The following NFATC1 variants were observed in gnomAD, a reference collection of about 807,000 sequenced individuals.
NFATC1 encodes the protein nuclear factor of activated T-cells, cytoplasmic 1.
A neutral mutation model predicts 76.0 loss-of-function variants in NFATC1; 22 were observed. The ratio of observed to expected loss-of-function variants is 0.29; its 90% confidence interval spans 0.21 to 0.41. The LOEUF (loss-of-function observed/expected upper bound fraction) is 0.41, where lower values mean the gene tolerates loss of function less well. Among genes scored for constraint, NFATC1 ranks in the 10% least tolerant of loss-of-function variants. The pLI is 1.00. For missense variants in NFATC1, 1,357 were observed against 1,337.7 expected (o/e 1.01, Z -0.23); for synonymous variants, 704 against 613.1 (o/e 1.15, Z -2.19).
chr18:79,406,497 A>G (rs1568917767), intron 1 of NFATC1, among the ~76,000 whole-genome samples: 3 of 152,132 alleles, frequency 2.0e-5, no homozygotes, highest in Admixed American at 2.0e-4. Flanking sequence ...GGTCTCCTGG[A>G]GTTGATGACT....
At chr18:79,458,290 C>T (rs1340553108) in intron 6 of NFATC1, among the ~76,000 whole-genome samples, 7 of 151,226 alleles carry the variant, frequency 4.6e-5, no homozygotes, top group South Asian at 4.2e-4. Flanking sequence ...GTGGGGTGCA[C>T]GGCACGAGGA....
At chr18:79,407,248 G>A (rs751523834) in intron 1 of NFATC1, among the ~76,000 whole-genome samples, 15 of 152,194 alleles carry the variant, frequency 9.9e-5, no homozygotes, top group African/African-American at 2.2e-4. Flanking sequence ...GCCTGGGGGC[G>A]GGGGGCACAG....
intron 8 of NFATC1, among the ~76,000 whole-genome samples, chr18:79,481,075 T>G (rs1228044664): frequency 6.6e-6 from 1 of 152,250 alleles, no homozygotes; most frequent in African/African-American, 2.4e-5. Context: ...TGGGCCTGTT[T>G]CCAGTGACCC....
intron 7 of NFATC1, among the ~76,000 whole-genome samples, chr18:79,466,692 GGGGTCTGCGGGGGTCA>G (rs1407287488): frequency 6.6e-6 from 1 of 152,194 alleles, no homozygotes; most frequent in African/African-American, 2.4e-5. Flanking sequence ...TTCCCACCCC[GGGGTCTGCGGGGGTCA>G]GGGCCTGCCT....
chr18:79,415,013 A>G (rs1469797941), intron 2 of NFATC1, among the ~76,000 whole-genome samples: 2 of 152,140 alleles, frequency 1.3e-5, no homozygotes, highest in African/African-American at 4.8e-5. Context: ...TCATTCCTTC[A>G]TCGTTCGGCC....
intron 3 of NFATC1, among the ~76,000 whole-genome samples, chr18:79,438,275 G>A (rs536622852): frequency 1.6e-4 from 24 of 152,318 alleles, no homozygotes; most frequent in African/African-American, 4.6e-4. Flanking sequence ...GAGTCAACCC[G>A]TCCTTGGCCT....
intron 9 of NFATC1, chr18:79,497,205 C>A (rs190753423): frequency 5.3e-5 from 8 of 152,378 alleles, no homozygotes; most frequent in Admixed American, 5.2e-4. Context: ...TGGAGAGCAT[C>A]TTGAATCAGC....
At chr18:79,451,226 A>G in intron 5 of NFATC1, 100 bp downstream of exon 5, 1 of 1,401,288 alleles carries the variant, frequency 7.1e-7, no homozygotes. Flanking sequence ...TAGACTTGGG[A>G]CTGAACGGTT....
intron 1 of NFATC1, among the ~76,000 whole-genome samples, chr18:79,398,896 G>A (rs2085090438): frequency 6.6e-6 from 1 of 152,218 alleles, no homozygotes. Context: ...GTGAAACCCC[G>A]TCTCTACTAA....
Position 79,448,899 on chromosome 18 carries a change from G to A in NFATC1, c.1504G>A (p.Val502Met), listed in dbSNP as rs766045377. ...GGTGCACCGCATCACAGGGAAGACCGTGTCCACCACCAGCCACGAGGCCAT... is the reference window on the plus strand; with the variant it reads ...GGTGCACCGCATCACAGGGAAGACCATGTCCACCACCAGCCACGAGGCCAT... The part of the protein sequence containing the change: ...YQVHRITGKT[V>M]STTSHEAILS... Residue 502 changes from valine to methionine, a missense_variant, in exon 4 of 10, where the codon GTG (valine) becomes ATG (methionine). Val to Met is a conservative substitution (Grantham distance 21). Transcript: ENST00000427363. 24 of 1,613,564 alleles carry A rather than the reference G, an allele frequency of 1.5e-5. No homozygotes were observed. The highest frequency in any genetic ancestry group is 3.3e-5 in the Admixed American group (2 of 60,010).
At position 79,527,951 on chromosome 18, in the gene NFATC1, C is replaced by A; in HGVS notation, c.*374C>A. 1 of 424,250 alleles carries A rather than the reference C, an allele frequency of 2.4e-6. No homozygotes were observed. The highest frequency in any genetic ancestry group is 9.7e-5 in the South Asian group (1 of 10,308). 26.3% of individuals were successfully genotyped at this position (424,250 alleles called of 1,614,324 possible). A position where few individuals can be genotyped will look rare whatever the true frequency, so the allele number is the denominator to read the frequency against. On this transcript the variant is annotated 3_prime_UTR_variant, in exon 10 of 10. Transcript: ENST00000427363. ...GAAGTGCCTTATTTAACCAGACCAT[C>A]AGGGCATCATAGAATTGAGCATTGA...
chr18:79,512,499 G>T (rs2090279722), intron 9 of NFATC1, among the ~76,000 whole-genome samples: 1 of 152,238 alleles, frequency 6.6e-6, no homozygotes, highest in Non-Finnish European at 1.5e-5. Context: ...CGGAGCCGGA[G>T]CAGCATCTGT....
In NFATC1 at chr18:79,466,916, G is replaced by A. The variant is rs185163532; in HGVS notation, c.1960-534G>A. ...GTGGCTGGCGGCGGAGCCTTGGGTCGTTTTCTGAAGGTCACCAACCCTTTG... is the reference window on the plus strand; with the variant it reads ...GTGGCTGGCGGCGGAGCCTTGGGTCATTTTCTGAAGGTCACCAACCCTTTG... On this transcript the variant is annotated intron_variant, in intron 7 of 9. Transcript: ENST00000427363. 1.6e-3 allele frequency among the ~76,000 whole-genome samples: 237 copies of A among 152,292 alleles called. 1 individual carries two copies. Among genetic ancestry groups the A allele is most frequent in the African/African-American group, 5.4e-3 (223 of 41,576 alleles).
Position 79,500,910 on chromosome 18 carries a change from A to G in NFATC1, c.2782+13973A>G, listed in dbSNP as rs139501128. On this transcript the variant is annotated intron_variant, in intron 9 of 9. Coordinates refer to ENST00000427363, the MANE Select transcript of NFATC1 (RefSeq NM_001278669.2). ...GAGAGCTTTACTGGTTAATTTTATT[A>G]AACATTACAAGAATAATACCAGTGC... Among the ~76,000 whole-genome samples, 8 of 152,356 alleles carry G rather than the reference A, an allele frequency of 5.3e-5. No individual in the cohort carries two copies. In the East Asian group the frequency reaches 1.3e-3, roughly 26 times the overall value.
At chr18:79,478,123 C>CA (rs1240353441) in intron 8 of NFATC1, among the ~76,000 whole-genome samples, 8 of 135,714 alleles carry the variant, frequency 5.9e-5, no homozygotes, top group African/African-American at 2.1e-4. Flanking sequence ...CCAGGCCCCC[C>CA]CCCGCCCACC....
intron 3 of NFATC1, among the ~76,000 whole-genome samples, chr18:79,444,304 C>T (rs1181038725): frequency 6.6e-6 from 1 of 152,130 alleles, no homozygotes; most frequent in African/African-American, 2.4e-5. Flanking sequence ...AGGCTTTGCC[C>T]CGACTCCTGG....
chr18:79,436,450 C>CG (rs2144684972), intron 3 of NFATC1, among the ~76,000 whole-genome samples: 2 of 150,396 alleles, frequency 1.3e-5, no homozygotes, highest in East Asian at 4.1e-4. Context: ...TGGAGGGTGG[C>CG]GGGGGGCCGG....
At chr18:79,407,484 C>T (rs996172179) in intron 1 of NFATC1, among the ~76,000 whole-genome samples, 4 of 152,200 alleles carry the variant, frequency 2.6e-5, no homozygotes, top group Admixed American at 6.5e-5. Context: ...CTTGCTGTGT[C>T]GCCCAGGCTG....
At position 79,426,507 on chromosome 18, in the gene NFATC1, G is replaced by A. The variant is rs2086340190; in HGVS notation, c.1227-7072G>A. On this transcript the variant is annotated intron_variant, in intron 2 of 9. Coordinates refer to ENST00000427363, the MANE Select transcript of NFATC1 (RefSeq NM_001278669.2). ...CACACTGCTGTGGGACCCGTGTCGG[G>A]ACTCGCAGGGCCTGGCAGGTGTTTC... Among the ~76,000 whole-genome samples the A allele has an allele frequency of 2.6e-5, 4 of 152,238 alleles. No homozygotes were observed. The South Asian group carries it at 8.3e-4, about 31-fold the overall frequency.
Sources: allele counts gnomAD v4.1 joint callset (sites outside exome capture counted in the v4.1 genomes callset), GRCh38; gene constraint gnomAD v4.1.1; transcripts MANE v1.5; gene names NCBI Gene and HGNC (gene_info 2026-07-23, HGNC 2026-07-21).